The following RTL4 variants were observed in gnomAD, a reference collection of about 807,000 sequenced individuals.
RTL4 encodes retrotransposon Gag like 4.
RTL4 carries 4 observed loss-of-function variants against 5.3 expected under a neutral mutation model. That is an observed-to-expected ratio of 0.75 (90% CI 0.37 to 1.72). The LOEUF (loss-of-function observed/expected upper bound fraction) is 1.72. Among genes scored for constraint, RTL4 ranks in the 40% most tolerant of loss-of-function variants. The pLI is 0.04. For missense variants in RTL4, 260 were observed against 227.1 expected (o/e 1.14, Z -0.93); for synonymous variants, 98 against 87.3 (o/e 1.12, Z -0.68).
the RTL4 span, among the ~76,000 whole-genome samples, chrX:112,158,871 T>C: frequency 8.9e-6 from 1 of 111,745 alleles, no homozygotes; most frequent in African/African-American, 3.2e-5. Flanking sequence ...ATGCATATTT[T>C]GAAGGCCATT....
the RTL4 span, among the ~76,000 whole-genome samples, chrX:112,263,848 G>A: frequency 8.9e-6 from 1 of 111,793 alleles, no homozygotes; most frequent in East Asian, 2.8e-4. Context: ...AGTACATAAT[G>A]TATATGTATG....
the RTL4 span, among the ~76,000 whole-genome samples, chrX:112,376,009 T>G: frequency 9.0e-6 from 1 of 111,473 alleles, no homozygotes; most frequent in Admixed American, 9.6e-5. Flanking sequence ...CAATAAGAAG[T>G]CATAATACCT....
At chrX:112,241,982 G>A in the RTL4 span, among the ~76,000 whole-genome samples, 2 of 111,567 alleles carry the variant, frequency 1.8e-5, no homozygotes, top group Admixed American at 1.9e-4. Context: ...TTTTTGTCAG[G>A]TTTGTCAAAG....
At chrX:112,301,202 G>C in the RTL4 span, among the ~76,000 whole-genome samples, 6 of 111,788 alleles carry the variant, frequency 5.4e-5, no homozygotes, top group Non-Finnish European at 1.1e-4. Flanking sequence ...AAAGTGGTAC[G>C]GAGTGACTGA....
At chrX:112,352,551 G>A in the RTL4 span, among the ~76,000 whole-genome samples, 2 of 110,843 alleles carry the variant, frequency 1.8e-5, no homozygotes, top group Admixed American at 9.6e-5. Context: ...TCTGATCTTT[G>A]ACAAACCTGA....
the RTL4 span, among the ~76,000 whole-genome samples, chrX:112,429,467 A>G: frequency 2.7e-5 from 3 of 111,012 alleles, no homozygotes; most frequent in East Asian, 5.7e-4. Flanking sequence ...AAATATTCCT[A>G]ATTCCTCCCT....
the RTL4 span, among the ~76,000 whole-genome samples, chrX:112,220,520 G>A: frequency 8.9e-6 from 1 of 112,684 alleles, no homozygotes; most frequent in African/African-American, 3.2e-5. Context: ...CATTATCCTG[G>A]CAATTAACAT....
the RTL4 span, among the ~76,000 whole-genome samples, chrX:112,305,624 A>G: frequency 5.4e-5 from 6 of 111,444 alleles, no homozygotes; most frequent in Admixed American, 5.7e-4. Flanking sequence ...TCGGCCTCTC[A>G]AAGTTCTGGG....
the RTL4 span, among the ~76,000 whole-genome samples, chrX:112,139,900 G>T: frequency 2.7e-5 from 3 of 111,321 alleles, no homozygotes. Flanking sequence ...AGGCATTTCT[G>T]CTTTTGCATC....
the RTL4 span, among the ~76,000 whole-genome samples, chrX:112,246,816 C>A: frequency 9.0e-6 from 1 of 111,385 alleles, no homozygotes; most frequent in Non-Finnish European, 1.9e-5. Flanking sequence ...ACGCTGGGAG[C>A]TGCAGACTTG....
At chrX:112,447,255 T>C in the RTL4 span, among the ~76,000 whole-genome samples, 1 of 111,918 alleles carries the variant, frequency 8.9e-6, no homozygotes. Flanking sequence ...CTGACAAAGA[T>C]GTTTGGTAGG....
the RTL4 span, among the ~76,000 whole-genome samples, chrX:112,408,502 A>G: frequency 9.0e-6 from 1 of 110,676 alleles, no homozygotes; most frequent in African/African-American, 3.3e-5. Context: ...AATGAAGCAC[A>G]CCTACAAGAT....
At chrX:112,353,951 C>G in the RTL4 span, among the ~76,000 whole-genome samples, 1 of 111,157 alleles carries the variant, frequency 9.0e-6, no homozygotes, top group Non-Finnish European at 1.9e-5. Flanking sequence ...TATTTAGTAT[C>G]TTAGAATTGA....
the RTL4 span, among the ~76,000 whole-genome samples, chrX:112,411,212 A>T: frequency 8.9e-6 from 1 of 111,747 alleles, no homozygotes; most frequent in South Asian, 3.7e-4. Flanking sequence ...AAGCTGTAAT[A>T]AAAAGTCTCC....
the RTL4 span, among the ~76,000 whole-genome samples, chrX:112,325,903 C>T: frequency 8.9e-6 from 1 of 112,094 alleles, no homozygotes; most frequent in Non-Finnish European, 1.9e-5. Flanking sequence ...ACCTACTCAT[C>T]TGACAAAGGG....
chrX:112,271,291 C>T, the RTL4 span, among the ~76,000 whole-genome samples: 864 of 112,971 alleles, frequency 7.6e-3, 6 homozygotes, highest in African/African-American at 0.026. Flanking sequence ...AGCTCAGTTT[C>T]GAGATCGATC....
At chrX:112,252,118 G>A in the RTL4 span, among the ~76,000 whole-genome samples, 1 of 111,999 alleles carries the variant, frequency 8.9e-6, no homozygotes, top group South Asian at 3.7e-4. Flanking sequence ...ACATCTCTCA[G>A]TGAAATTAAA....
At chrX:112,171,888 C>T in the RTL4 span, among the ~76,000 whole-genome samples, 10 of 112,265 alleles carry the variant, frequency 8.9e-5, no homozygotes, top group Admixed American at 1.9e-4. Flanking sequence ...AGAGCTTCTG[C>T]ATGGCAAAAT....
chrX:112,446,762 T>G, the RTL4 span, among the ~76,000 whole-genome samples: 1 of 111,871 alleles, frequency 8.9e-6, no homozygotes, highest in Admixed American at 9.5e-5. Context: ...GCAGGAGAAT[T>G]ACTTGAACCC....
Sources: gnomAD v4.1 joint callset for allele counts (sites outside exome capture counted in the v4.1 genomes callset) on GRCh38, gnomAD v4.1.1 for gene constraint, MANE v1.5 for transcripts, NCBI Gene and HGNC (gene_info 2026-07-23, HGNC 2026-07-21) for gene names.